The following PTPRN2 variants were observed in gnomAD, a reference collection of about 807,000 sequenced individuals.
The protein encoded by PTPRN2 is receptor-type tyrosine-protein phosphatase N2.
A neutral mutation model predicts 118.8 loss-of-function variants in PTPRN2; 74 were observed. That is an observed-to-expected ratio of 0.62 (90% CI 0.52 to 0.76). PTPRN2 has a LOEUF of 0.76. Among genes scored for constraint, PTPRN2 ranks in the 30% least tolerant of loss-of-function variants. The pLI, the probability that PTPRN2 is intolerant of heterozygous loss-of-function variation, is 0.00. For missense variants in PTPRN2, 1,481 were observed against 1,394.4 expected (o/e 1.06, Z -0.99); for synonymous variants, 641 against 608.0 (o/e 1.05, Z -0.80).
chr7:158,093,798 C>A lies in PTPRN2; in HGVS notation c.1644-12421G>T, dbSNP rs926437730. ...GGCAATAACTTCCCAAAATATCTAG[C>A]CTAAGAGCTTACAAAGGAGGAAGAA... is the stretch of plus-strand genomic sequence containing the variant. On this transcript the variant is annotated intron_variant, in intron 10 of 22. Transcript: ENST00000389418. This position sits in a 1 kb window ranked among gnomAD's most constrained non-coding sequence, Gnocchi z 4.4. Among the ~76,000 whole-genome samples the A allele has an allele frequency of 6.6e-6, 1 of 152,134 alleles. No individual in the cohort carries two copies. Among genetic ancestry groups the A allele is most frequent in the African/African-American group, 2.4e-5 (1 of 41,418 alleles).
intron 1 of PTPRN2, among the ~76,000 whole-genome samples, chr7:158,508,473 A>T (rs150197540): frequency 1.3e-5 from 2 of 152,232 alleles, no homozygotes; most frequent in African/African-American, 4.8e-5. Context: ...CAGGGTCAGG[A>T]CGAGGGTGTG....
At position 158,563,379 on chromosome 7, in the gene PTPRN2, A is replaced by C. The variant is rs1398232965; in HGVS notation, c.112+24179T>G. On this transcript the variant is annotated intron_variant, in intron 1 of 22. Transcript: ENST00000389418. This position sits in a 1 kb window ranked among gnomAD's most constrained non-coding sequence, Gnocchi z 5.1. ...ACGTCAGTGAGAACAAAAGCATCAC[A>C]AAATGCAAGTCTTATTACTGCAGCA... 6.6e-6 allele frequency among the ~76,000 whole-genome samples: 1 copy of C among 152,252 alleles called. No individual in the cohort carries two copies. Among genetic ancestry groups the C allele is most frequent in the Non-Finnish European group, 1.5e-5 (1 of 68,036 alleles).
At position 157,850,561 on chromosome 7, in the gene PTPRN2, C is replaced by A. The variant is rs749599813; in HGVS notation, c.1788+48112G>T. ...AGACAGTCCTGCACCATCTCACATC[C>A]ACCAAATCCAGAATTCTCCTTTCTC... On this transcript the variant is annotated intron_variant, in intron 12 of 22. Coordinates refer to ENST00000389418, the MANE Select transcript of PTPRN2 (RefSeq NM_002847.5). Among the ~76,000 whole-genome samples the A allele has an allele frequency of 2.3e-3, 346 of 152,204 alleles. 1 individual carries two copies. Among genetic ancestry groups the A allele is most frequent in the Non-Finnish European group, 4.2e-3 (285 of 68,036 alleles).
chr7:158,142,280 C>T (rs1054020938), intron 6 of PTPRN2, among the ~76,000 whole-genome samples: 4 of 152,220 alleles, frequency 2.6e-5, no homozygotes, highest in Admixed American at 6.5e-5. Flanking sequence ...GGACCAGACA[C>T]GGGCAGCCCC....
At chr7:158,541,791 A>G in intron 1 of PTPRN2, 1 of 960,806 alleles carries the variant, frequency 1.0e-6, no homozygotes, top group Non-Finnish European at 1.2e-6. Context: ...ATCAGAGGAG[A>G]AGGGGCCAAG....
chr7:158,469,034 G>A (rs13311458), intron 2 of PTPRN2, among the ~76,000 whole-genome samples: 6,532 of 136,916 alleles, frequency 0.048, 31 homozygotes, highest in South Asian at 0.058. Context: ...CACACACTCC[G>A]GGTGGATCAA....
chr7:158,391,203 C>A (rs530370859), intron 2 of PTPRN2, among the ~76,000 whole-genome samples: 1 of 152,212 alleles, frequency 6.6e-6, no homozygotes, highest in Non-Finnish European at 1.5e-5. Context: ...AGAACCTGCA[C>A]GAGAGACATT....
At chr7:158,035,240 A>G (rs1041290727) in intron 11 of PTPRN2, among the ~76,000 whole-genome samples, 1 of 152,282 alleles carries the variant, frequency 6.6e-6, no homozygotes, top group African/African-American at 2.4e-5. Context: ...GTATAAAACT[A>G]TAAGAAGAGA....
At chr7:158,227,710 G>T (rs1364992310) in intron 3 of PTPRN2, among the ~76,000 whole-genome samples, 2 of 152,238 alleles carry the variant, frequency 1.3e-5, no homozygotes, top group Non-Finnish European at 2.9e-5. Context: ...AAGGGCTGGT[G>T]AGCAGAGTGT....
intron 11 of PTPRN2, among the ~76,000 whole-genome samples, chr7:158,056,368 C>T (rs1426296296): frequency 6.6e-6 from 1 of 152,248 alleles, no homozygotes; most frequent in African/African-American, 2.4e-5. Context: ...ATGGGGGCGG[C>T]AGGCACTGGA....
chr7:158,153,122 A>T (rs1428873503), intron 6 of PTPRN2, among the ~76,000 whole-genome samples: 1 of 152,118 alleles, frequency 6.6e-6, no homozygotes, highest in Non-Finnish European at 1.5e-5. Flanking sequence ...ACCATCGACC[A>T]GCGGAACGAT....
At chr7:158,583,309 G>A (rs556374613) in intron 1 of PTPRN2, among the ~76,000 whole-genome samples, 15 of 152,244 alleles carry the variant, frequency 9.9e-5, no homozygotes, top group South Asian at 2.1e-4. Context: ...CCTTTGTCCC[G>A]TGTACCCTGT....
At chr7:157,559,800 G>GAC (rs1799087564) in intron 21 of PTPRN2, among the ~76,000 whole-genome samples, 1 of 152,142 alleles carries the variant, frequency 6.6e-6, no homozygotes, top group Non-Finnish European at 1.5e-5. Flanking sequence ...TCCTGACAGC[G>GAC]ACACAGCTGC....
At position 158,275,796 on chromosome 7, in the gene PTPRN2, A is replaced by G. The variant is rs541459580; in HGVS notation, c.277+41023T>C. ...GAAGAGTTGCAGTGATGGGGCCTCC[A>G]CCGCCAAAGCCACGGACCTGGTGCA... is the stretch of plus-strand genomic sequence containing the variant. On this transcript the variant is annotated intron_variant, in intron 3 of 22. Coordinates refer to ENST00000389418, the MANE Select transcript of PTPRN2 (RefSeq NM_002847.5). 5.3e-5 allele frequency among the ~76,000 whole-genome samples: 8 copies of G among 152,238 alleles called. No individual in the cohort carries two copies. In the South Asian group the frequency reaches 1.4e-3, roughly 28 times the overall value.
chr7:158,171,429 A>G (rs1823697526), intron 5 of PTPRN2, among the ~76,000 whole-genome samples: 1 of 147,110 alleles, frequency 6.8e-6, no homozygotes, highest in African/African-American at 2.5e-5. Flanking sequence ...GCTCACTGCA[A>G]CCTCCACCTC....
rs1479510517 is a variant in PTPRN2 at position 157,619,018 on chromosome 7, G to A, written c.2344+2344C>T. ...CCTGATCCCCATGAGAACATCAGGC[G>A]CCCATCCACATGTGGCCACCCTGTT... On this transcript the variant is annotated intron_variant, in intron 15 of 22. Transcript: ENST00000389418. The surrounding 1 kb of genome is among the most constrained non-coding windows in gnomAD (Gnocchi z 5.3). Among the ~76,000 whole-genome samples, 1 of 152,022 alleles carries A rather than the reference G, an allele frequency of 6.6e-6. No homozygotes were observed. The highest frequency in any genetic ancestry group is 2.4e-5 in the African/African-American group (1 of 41,388).
At chr7:158,312,250 G>A (rs1256582479) in intron 3 of PTPRN2, among the ~76,000 whole-genome samples, 1 of 105,508 alleles carries the variant, frequency 9.5e-6, no homozygotes, top group Non-Finnish European at 2.4e-5. Context: ...ACACACACCT[G>A]CACACGCACT....
chr7:158,333,118 C>A (rs375274105), intron 2 of PTPRN2, among the ~76,000 whole-genome samples: 2 of 116,206 alleles, frequency 1.7e-5, no homozygotes, highest in African/African-American at 8.2e-5. Flanking sequence ...AGAAGTGACA[C>A]CTGCAGACAT....
At chr7:158,001,609 A>G (rs1032788840) in intron 11 of PTPRN2, among the ~76,000 whole-genome samples, 6 of 152,142 alleles carry the variant, frequency 3.9e-5, no homozygotes, top group African/African-American at 1.4e-4. Flanking sequence ...CCATGCAGAC[A>G]GACGCAGGCA....
Sources: allele counts gnomAD v4.1 joint callset (sites outside exome capture counted in the v4.1 genomes callset), GRCh38; gene constraint gnomAD v4.1.1; non-coding constraint Gnocchi (gnomAD v3.1); transcripts MANE v1.5; gene names NCBI Gene and HGNC (gene_info 2026-07-23, HGNC 2026-07-21).